Variants in CSGALNACT1 observed in about 807,000 individuals in gnomAD.
CSGALNACT1 encodes chondroitin sulfate N-acetylgalactosaminyltransferase 1, also known as beta4GalNAcT-1.
Under a neutral mutation model 51.0 loss-of-function variants are expected in CSGALNACT1, and 52 were observed. The observed-to-expected ratio is 1.02, with a 90% CI of 0.82 to 1.29. The LOEUF (loss-of-function observed/expected upper bound fraction) is 1.29. CSGALNACT1 is among the 50% of genes most tolerant of loss of function. The pLI is 0.00. For synonymous variants in CSGALNACT1, 341 were observed against 254.4 expected, an observed-to-expected ratio of 1.34 and a Z score of -3.24; for missense variants, 935 against 679.2, an observed-to-expected ratio of 1.38 and a Z score of -4.19.
intron 1 of CSGALNACT1, among the ~76,000 whole-genome samples, chr8:19,630,618 T>C (rs1402856836): frequency 2.0e-5 from 3 of 152,214 alleles, no homozygotes; most frequent in Admixed American, 6.5e-5. Flanking sequence ...AAACATCCCC[T>C]GTTCTTCAAC....
intron 3 of CSGALNACT1, among the ~76,000 whole-genome samples, chr8:19,522,288 G>A (rs1225786501): frequency 2.0e-5 from 3 of 151,858 alleles, no homozygotes; most frequent in African/African-American, 7.3e-5. Context: ...GTACAGAGCT[G>A]GTAGAAAGCA....
intron 1 of CSGALNACT1, among the ~76,000 whole-genome samples, chr8:19,626,634 A>G (rs557770440): frequency 4.6e-5 from 7 of 152,364 alleles, no homozygotes; most frequent in Middle Eastern, 3.4e-3. Context: ...ATAGGATGAA[A>G]AGATAATCAA....
intron 3 of CSGALNACT1, among the ~76,000 whole-genome samples, chr8:19,524,051 T>A (rs1294018267): frequency 6.6e-6 from 1 of 152,076 alleles, no homozygotes; most frequent in Non-Finnish European, 1.5e-5. Context: ...CCCAGTGCTG[T>A]GGGAAGCTGA....
rs138813695 is a variant in CSGALNACT1, at chr8:19,513,755, T to C, written c.-296-7625A>G. Among the ~76,000 whole-genome samples, 217 of 152,204 alleles carry C rather than the reference T, an allele frequency of 1.4e-3. No homozygotes were observed. In the Middle Eastern group the frequency reaches 0.017, roughly 12 times the overall value. ...TCTAGGCTAACAAACCTGTACCACATGTGGCTATAATAAATACTGCAGTCA... is the reference window on the plus strand; with the variant it reads ...TCTAGGCTAACAAACCTGTACCACACGTGGCTATAATAAATACTGCAGTCA... On this transcript the variant is annotated intron_variant, in intron 3 of 9. Transcript: ENST00000454498.
intron 4 of CSGALNACT1, among the ~76,000 whole-genome samples, chr8:19,459,382 C>CA (rs377411028): frequency 0.021 from 1,418 of 67,170 alleles, 9 homozygotes; most frequent in Non-Finnish European, 0.026. Context: ...AACTTTATCT[C>CA]AAAAAAAAAA....
intron 4 of CSGALNACT1, among the ~76,000 whole-genome samples, chr8:19,502,742 G>C (rs1197244646): frequency 6.6e-6 from 1 of 152,172 alleles, no homozygotes; most frequent in Non-Finnish European, 1.5e-5. Context: ...ACTTGCTGTA[G>C]CTCATTACAG....
intron 6 of CSGALNACT1, among the ~76,000 whole-genome samples, chr8:19,428,108 T>C (rs2059061882): frequency 6.6e-6 from 1 of 152,146 alleles, no homozygotes; most frequent in Non-Finnish European, 1.5e-5. Context: ...CCATTTCTCC[T>C]TGCTCTGTAA....
At chr8:19,714,521 C>G (rs2062693670) in intron 1 of CSGALNACT1, among the ~76,000 whole-genome samples, 1 of 152,008 alleles carries the variant, frequency 6.6e-6, no homozygotes, top group African/African-American at 2.4e-5. Context: ...TGATTTTACC[C>G]CAGAGCTCTG....
At chr8:19,430,030 T>A (rs1394408783) in intron 6 of CSGALNACT1, among the ~76,000 whole-genome samples, 2 of 152,270 alleles carry the variant, frequency 1.3e-5, no homozygotes, top group African/African-American at 4.8e-5. Flanking sequence ...TTTGGAGAAA[T>A]GTACATCCAA....
intron 7 of CSGALNACT1, among the ~76,000 whole-genome samples, chr8:19,420,004 C>T (rs1433360206): frequency 6.6e-6 from 1 of 152,306 alleles, no homozygotes; most frequent in Non-Finnish European, 1.5e-5. Flanking sequence ...TGGTTTTGTA[C>T]ATGGGAGTTC....
In CSGALNACT1 at chr8:19,666,939, GAGAA is replaced by G. The variant is rs1326306750; in HGVS notation, c.-544+15530_-544+15533del. On this transcript the variant is annotated intron_variant, in intron 1 of 9. Coordinates refer to the CSGALNACT1 transcript ENST00000332246. Reference sequence around the variant, plus strand: ...GGAGGAAGGGAGAGACAGAGAGAGAGAGAAAAAGAAAGAAAGAAAGAAAGAAAGA... The same window carrying G: ...GGAGGAAGGGAGAGACAGAGAGAGAGAAAGAAAGAAAGAAAGAAAGAAAGA... Among the ~76,000 whole-genome samples the G allele has an allele frequency of 2.5e-4, 31 of 123,130 alleles. 1 individual carries two copies. The highest frequency in any genetic ancestry group is 8.2e-4 in the African/African-American group (26 of 31,728). 80.8% of individuals were successfully genotyped at this position (123,130 alleles called of 152,430 possible).
Position 19,525,615 on chromosome 8 carries a change from C to CAAAAAAAA in CSGALNACT1, c.-296-19493_-296-19486dup, listed in dbSNP as rs34787475. Among the ~76,000 whole-genome samples, 82 of 20,386 alleles carry CAAAAAAAA rather than the reference C, an allele frequency of 4.0e-3. 14 individuals are homozygous for CAAAAAAAA. The highest frequency in any genetic ancestry group is 4.6e-3 in the African/African-American group (28 of 6,094). The allele number at this position is 20,386 out of a possible 152,430, so 13.4% of individuals were successfully genotyped here. ...CTGGCTGACAGAGGGAAACTTGTCC[C>CAAAAAAAA]AAAAAAAAAAAAAAAAAAAAAAAAA... is the stretch of plus-strand genomic sequence containing the variant. On this transcript the variant is annotated intron_variant, in intron 3 of 9. Coordinates refer to ENST00000454498, the Ensembl canonical transcript of CSGALNACT1.
At chr8:19,679,050 C>T (rs1212140677) in intron 1 of CSGALNACT1, among the ~76,000 whole-genome samples, 1 of 152,160 alleles carries the variant, frequency 6.6e-6, no homozygotes, top group Admixed American at 6.5e-5. Context: ...AAACGTTATG[C>T]AATCAATAGT....
chr8:19,440,362 AT>A (rs1300171098), intron 5 of CSGALNACT1, among the ~76,000 whole-genome samples: 4 of 152,090 alleles, frequency 2.6e-5, no homozygotes, highest in Non-Finnish European at 5.9e-5. Context: ...CAAAAAGCTT[AT>A]CCACCATGAT....
At chr8:19,585,354 AG>A (rs2046400076) in intron 3 of CSGALNACT1, 1 of 152,240 alleles carries the variant, frequency 6.6e-6, no homozygotes, top group South Asian at 2.1e-4. Flanking sequence ...CGGGACCGAA[AG>A]AAGGAAAGAC....
intron 1 of CSGALNACT1, among the ~76,000 whole-genome samples, chr8:19,666,823 G>GAA (rs2059255247): frequency 1.4e-5 from 1 of 73,634 alleles, no homozygotes. Flanking sequence ...GAGAGAGAGA[G>GAA]AGAGAGAGAG....
intron 1 of CSGALNACT1, among the ~76,000 whole-genome samples, chr8:19,615,966 C>T (rs2052944516): frequency 6.6e-6 from 1 of 152,132 alleles, no homozygotes; most frequent in Non-Finnish European, 1.5e-5. Flanking sequence ...ATAGATGTTA[C>T]AGCCAAATAG....
intron 3 of CSGALNACT1, among the ~76,000 whole-genome samples, chr8:19,511,780 G>A (rs1352278574): frequency 2.0e-5 from 3 of 152,160 alleles, no homozygotes; most frequent in South Asian, 2.1e-4. Context: ...AGGTTTAATT[G>A]ACTCACAGTT....
At chr8:19,713,830 C>T (rs1564460905) in intron 1 of CSGALNACT1, among the ~76,000 whole-genome samples, 1 of 152,170 alleles carries the variant, frequency 6.6e-6, no homozygotes. Flanking sequence ...GTTTTTGCTA[C>T]TATGAAGTTT....
Sources: allele counts gnomAD v4.1 joint callset (sites outside exome capture counted in the v4.1 genomes callset), GRCh38; gene constraint gnomAD v4.1.1; transcripts MANE v1.5; gene names NCBI Gene and HGNC (gene_info 2026-07-23, HGNC 2026-07-21).